Variants in MAEA observed in about 807,000 individuals in gnomAD.
MAEA encodes E3 ubiquitin-protein transferase MAEA.
A neutral mutation model predicts 46.2 loss-of-function variants in MAEA; 22 were observed. That is an observed-to-expected ratio of 0.48 (90% CI 0.34 to 0.68). The LOEUF (loss-of-function observed/expected upper bound fraction) is 0.68. MAEA is among the 30% of genes least tolerant of loss of function. The probability of loss-of-function intolerance (pLI) is 0.01; values close to 1 mark genes in which losing one functional copy is unlikely to be tolerated. For synonymous variants in MAEA, 246 were observed against 222.6 expected, an observed-to-expected ratio of 1.11 and a Z score of -0.94; for missense variants, 393 against 558.1, an observed-to-expected ratio of 0.70 and a Z score of 2.98.
At position 1,312,414 on chromosome 4, in the gene MAEA, G is replaced by C. The variant is rs186268643; in HGVS notation, c.252+253G>C. The C allele has an allele frequency of 3.9e-4, 177 of 448,358 alleles. 1 individual carries two copies. The highest frequency in any genetic ancestry group is 3.8e-3 in the African/African-American group (163 of 42,406). The allele number at this position is 448,358 out of a possible 1,614,324, so 27.8% of individuals were successfully genotyped here. A position where few individuals can be genotyped will look rare whatever the true frequency, so the allele number is the denominator to read the frequency against. On this transcript the variant is annotated intron_variant, in intron 2 of 8. Coordinates refer to ENST00000303400, the MANE Select transcript of MAEA (RefSeq NM_001017405.3). ...CACAGGGAGACCAGGATGTATAGCA[G>C]GTTGATTGATTTTTTTTTTTTTTTT...
At chr4:1,303,627 T>C (rs575670853) in intron 1 of MAEA, among the ~76,000 whole-genome samples, 111 of 152,098 alleles carry the variant, frequency 7.3e-4, no homozygotes, top group African/African-American at 2.6e-3. Flanking sequence ...TGGAATTGGT[T>C]GGTGGTTGAT....
chr4:1,291,845 A>C (rs2108843254), intron 1 of MAEA, among the ~76,000 whole-genome samples: 1 of 152,352 alleles, frequency 6.6e-6, no homozygotes, highest in South Asian at 2.1e-4. Flanking sequence ...AGTCATGCAG[A>C]TAGTCATACA....
chr4:1,292,108 G>A (rs73069967), intron 1 of MAEA, among the ~76,000 whole-genome samples: 1,825 of 152,286 alleles, frequency 0.012, 45 homozygotes, highest in African/African-American at 0.04. Flanking sequence ...AGAAGGGACC[G>A]AGGGCTGCAG....
intron 4 of MAEA, chr4:1,323,631 A>G (rs1312097323): frequency 2.8e-6 from 2 of 702,458 alleles, no homozygotes; most frequent in South Asian, 1.5e-5. Context: ...CGGCCCCACT[A>G]CACAGTGCCA....
At chr4:1,290,943 C>T (rs138022177) in intron 1 of MAEA, among the ~76,000 whole-genome samples, 8 of 152,286 alleles carry the variant, frequency 5.3e-5, no homozygotes, top group South Asian at 2.1e-4. Flanking sequence ...CATCAGGGCC[C>T]GGTTGGTGAC....
intron 8 of MAEA, 88 bp downstream of exon 8, chr4:1,338,705 C>G (rs1466889725): frequency 1.7e-6 from 2 of 1,187,810 alleles, no homozygotes; most frequent in African/African-American, 3.1e-5. Flanking sequence ...GGGGGCCAGG[C>G]TGGCACGCAT....
intron 3 of MAEA, among the ~76,000 whole-genome samples, chr4:1,316,750 C>T (rs904277189): frequency 6.6e-6 from 1 of 152,110 alleles, no homozygotes; most frequent in Non-Finnish European, 1.5e-5. Flanking sequence ...ACAAGGCTCC[C>T]TTCCCAGCCT....
intron 4 of MAEA, among the ~76,000 whole-genome samples, chr4:1,325,529 A>G (rs569017234): frequency 7.9e-5 from 12 of 152,206 alleles, no homozygotes; most frequent in African/African-American, 1.2e-4. Flanking sequence ...TGAGGTGTCT[A>G]TTGTGTGAAG....
At chr4:1,321,239 G>A (rs1293048581) in intron 3 of MAEA, among the ~76,000 whole-genome samples, 1 of 152,030 alleles carries the variant, frequency 6.6e-6, no homozygotes, top group African/African-American at 2.4e-5. Context: ...ACGCTATGAA[G>A]GGGCTTCAGA....
chr4:1,323,766 A>G (rs191307291), intron 4 of MAEA, among the ~76,000 whole-genome samples: 1 of 152,300 alleles, frequency 6.6e-6, no homozygotes. Flanking sequence ...TGCAAGCCCT[A>G]ATTACCTGCC....
intron 6 of MAEA, chr4:1,335,081 G>C (rs1187038543): frequency 1.0e-6 from 1 of 985,172 alleles, no homozygotes; most frequent in Non-Finnish European, 1.2e-6. Flanking sequence ...TTGATGTGAA[G>C]GTTTTTCTCT....
chr4:1,312,201 G>T, intron 2 of MAEA, 40 bp downstream of exon 2: 1 of 1,609,892 alleles, frequency 6.2e-7, no homozygotes, highest in East Asian at 2.2e-5. Flanking sequence ...TCTGGGGCAT[G>T]GACACCCCTT....
chr4:1,335,541 A>C (rs1435394399), intron 6 of MAEA: 1 of 890,116 alleles, frequency 1.1e-6, no homozygotes, highest in African/African-American at 1.8e-5. Flanking sequence ...CCACAGAGTT[A>C]AGTCAGCACT....
chr4:1,329,521 C>T (rs1398758731), intron 5 of MAEA: 2 of 985,374 alleles, frequency 2.0e-6, no homozygotes, highest in Non-Finnish European at 1.2e-6. Context: ...CCTCAGCAGC[C>T]AGCCGGGCAG....
intron 1 of MAEA, among the ~76,000 whole-genome samples, chr4:1,299,198 G>A (rs1011276954): frequency 6.6e-6 from 1 of 152,144 alleles, no homozygotes; most frequent in African/African-American, 2.4e-5. Context: ...ATTTAGATCT[G>A]AGCTTATCAT....
At chr4:1,336,776 C>T in intron 6 of MAEA, 85 bp from the exon 7 acceptor site, 1 of 1,389,228 alleles carries the variant, frequency 7.2e-7, no homozygotes, top group Non-Finnish European at 9.9e-7. Context: ...CCGATGGCAC[C>T]TGCTTCACCA....
chr4:1,308,556 C>T lies in MAEA; in HGVS notation c.70-3423C>T, dbSNP rs764824882. 1.0e-3 allele frequency among the ~76,000 whole-genome samples: 154 copies of T among 152,234 alleles called. 2 individuals are homozygous for T. Among genetic ancestry groups the T allele is most frequent in the South Asian group, 2.1e-4 (1 of 4,832 alleles). On this transcript the variant is annotated intron_variant, in intron 1 of 8. Transcript: ENST00000303400. ...GTTCCCTGGCACTGCACGCGTGTCCCGCTGCTCCGCTTCCTGCCGTGGCAT... is the reference window on the plus strand; with the variant it reads ...GTTCCCTGGCACTGCACGCGTGTCCTGCTGCTCCGCTTCCTGCCGTGGCAT...
chr4:1,311,961 A>T lies in MAEA; in HGVS notation c.70-18A>T, dbSNP rs371854872. The T allele has an allele frequency of 3.1e-6, 5 of 1,597,040 alleles. No homozygotes were observed. In the African/African-American group the frequency reaches 6.7e-5, roughly 21 times the overall value. ...ACACCAGGGGAGCAGATCCCTCACC[A>T]TCCTCCTTCCTCTCCAGGTGCCCTA... On this transcript the variant is annotated intron_variant, in intron 1 of 8. Transcript: ENST00000303400. This position sits in a 1 kb window ranked among gnomAD's most constrained non-coding sequence, Gnocchi z 4.4.
chr4:1,310,481 C>T (rs548370433), intron 1 of MAEA, among the ~76,000 whole-genome samples: 1 of 152,334 alleles, frequency 6.6e-6, no homozygotes, highest in South Asian at 2.1e-4. Context: ...CACACGGTGC[C>T]TGGCTTCGAG....
Sources: allele counts gnomAD v4.1 joint callset (sites outside exome capture counted in the v4.1 genomes callset), GRCh38; gene constraint gnomAD v4.1.1; non-coding constraint Gnocchi (gnomAD v3.1); transcripts MANE v1.5; gene names NCBI Gene and HGNC (gene_info 2026-07-23, HGNC 2026-07-21).